ATF7IP2: variants seen among roughly 807,000 people sequenced by gnomAD.
ATF7IP2 encodes the protein activating transcription factor 7 interacting protein 2.
ATF7IP2 carries 42 observed loss-of-function variants against 64.2 expected under a neutral mutation model. The observed-to-expected ratio is 0.65, with a 90% confidence interval of 0.51 to 0.85. The LOEUF (loss-of-function observed/expected upper bound fraction) is 0.85, where lower values mean the gene tolerates loss of function less well. Ranked by LOEUF, ATF7IP2 falls within the 40% of genes least tolerant of loss-of-function variation. ATF7IP2 has a pLI of 0.00. For synonymous variants in ATF7IP2, 308 were observed against 272.8 expected (o/e 1.13, Z -1.27); for missense variants, 933 against 784.2 (o/e 1.19, Z -2.27).
chr16:10,482,480 T>C lies in ATF7IP2; in HGVS notation c.*231T>C. 2.7e-6 allele frequency: 1 copy of C among 375,178 alleles called. No homozygotes were observed. Among genetic ancestry groups the C allele is most frequent in the Non-Finnish European group, 4.8e-6 (1 of 209,246 alleles). 23.2% of individuals were successfully genotyped at this position (375,178 alleles called of 1,614,324 possible). A position where few individuals can be genotyped will look rare whatever the true frequency, so the allele number is the denominator to read the frequency against. The stretch of plus-strand genomic sequence containing the variant: ...AAACATACGCTATCATTGGCCCATG[T>C]TGCTGAGGTGCATTGTGAACAATAC... On this transcript the variant is annotated 3_prime_UTR_variant, in exon 14 of 14. Transcript: ENST00000562102.
At chr16:10,393,327 A>G (rs2047364957) in intron 1 of ATF7IP2, among the ~76,000 whole-genome samples, 1 of 150,716 alleles carries the variant, frequency 6.6e-6, no homozygotes, top group African/African-American at 2.4e-5. Flanking sequence ...AAAAAAAAAA[A>G]AAAAAAAAAA....
chr16:10,432,854 G>C (rs2048302966), intron 5 of ATF7IP2, among the ~76,000 whole-genome samples: 1 of 150,452 alleles, frequency 6.6e-6, no homozygotes, highest in Non-Finnish European at 1.5e-5. Flanking sequence ...CTCTTGCCTG[G>C]GCGACAAGAG....
rs1332817027 is a variant in ATF7IP2, at chr16:10,433,569, G to T, written c.880G>T (p.Val294Phe). 6.2e-7 allele frequency: 1 copy of T among 1,613,146 alleles called. No individual in the cohort carries two copies. The highest frequency in any genetic ancestry group is 8.5e-7 in the Non-Finnish European group (1 of 1,179,260). ...GATGTTTTCAGAAAACGAGGAAAAT[G>T]TTAAACGCATGAAAACTTCAGAGCA... is the stretch of plus-strand genomic sequence containing the variant. ...KRMFSENEEN[V>F]KRMKTSEQIN... Residue 294 changes from valine to phenylalanine, a missense_variant, in exon 6 of 14, where the codon GTT (valine) becomes TTT (phenylalanine). Physicochemically the swap from Val to Phe is conservative, Grantham distance 50. Coordinates refer to ENST00000562102, the MANE Select transcript of ATF7IP2 (RefSeq NM_001393719.1).
At chr16:10,439,695 G>A (rs2048546896) in intron 7 of ATF7IP2, among the ~76,000 whole-genome samples, 1 of 150,248 alleles carries the variant, frequency 6.7e-6, no homozygotes, top group Non-Finnish European at 1.5e-5. Flanking sequence ...ACTACACCCA[G>A]CTAATTTTTT....
At chr16:10,419,178 C>T (rs2044284) in intron 2 of ATF7IP2, among the ~76,000 whole-genome samples, 90,571 of 152,102 alleles carry the variant, frequency 0.6, 27,092 homozygotes, top group East Asian at 0.7. Context: ...ATAGTGAGAC[C>T]AGAAAGCATG....
chr16:10,469,356 T>C (rs1183302216), intron 9 of ATF7IP2, among the ~76,000 whole-genome samples: 1 of 151,830 alleles, frequency 6.6e-6, no homozygotes, highest in Non-Finnish European at 1.5e-5. Flanking sequence ...ATTATTGGAG[T>C]ATCACTAAGG....
At chr16:10,469,116 C>A (rs2049691771) in intron 9 of ATF7IP2, among the ~76,000 whole-genome samples, 1 of 152,146 alleles carries the variant, frequency 6.6e-6, no homozygotes. Flanking sequence ...ATAAGAAATT[C>A]CCAGGCATGC....
intron 8 of ATF7IP2, chr16:10,445,413 G>A (rs1241980158): frequency 6.6e-6 from 1 of 152,184 alleles, no homozygotes; most frequent in Non-Finnish European, 1.5e-5. Flanking sequence ...TATTTGATCT[G>A]CAAGGTTATT....
intron 1 of ATF7IP2, among the ~76,000 whole-genome samples, chr16:10,407,479 T>C (rs1281945149): frequency 1.3e-5 from 2 of 152,106 alleles, no homozygotes; most frequent in African/African-American, 4.8e-5. Context: ...ATTTGGAAAA[T>C]CCTAAACAAT....
chr16:10,399,423 G>T (rs2047483369), intron 1 of ATF7IP2, among the ~76,000 whole-genome samples: 1 of 152,114 alleles, frequency 6.6e-6, no homozygotes, highest in South Asian at 2.1e-4. Flanking sequence ...AGTTTTCCCA[G>T]CACCATTTAT....
At chr16:10,458,716 C>A (rs2049266204) in intron 9 of ATF7IP2, among the ~76,000 whole-genome samples, 1 of 152,174 alleles carries the variant, frequency 6.6e-6, no homozygotes, top group Non-Finnish European at 1.5e-5. Flanking sequence ...ATGAGACTAG[C>A]ATAACCCTAA....
intron 6 of ATF7IP2, among the ~76,000 whole-genome samples, chr16:10,436,391 C>CTT (rs72530737): frequency 8.5e-4 from 128 of 149,848 alleles, no homozygotes; most frequent in African/African-American, 1.9e-3. Flanking sequence ...GTTACTGAGC[C>CTT]TTTTTTTTTT....
At chr16:10,441,309 A>G (rs1303538545) in intron 8 of ATF7IP2, among the ~76,000 whole-genome samples, 1 of 152,192 alleles carries the variant, frequency 6.6e-6, no homozygotes. Flanking sequence ...GGTTCTATAG[A>G]TCCTTGAGGA....
At chr16:10,481,141 C>G (rs574678504) in intron 13 of ATF7IP2, among the ~76,000 whole-genome samples, 177 bp downstream of exon 13, 2 of 152,098 alleles carry the variant, frequency 1.3e-5, no homozygotes, top group Non-Finnish European at 2.9e-5. Context: ...ACAGAAGCTA[C>G]AGAAATTAAA....
chr16:10,464,136 C>G (rs1217841451), intron 9 of ATF7IP2, among the ~76,000 whole-genome samples: 2 of 152,184 alleles, frequency 1.3e-5, no homozygotes, highest in African/African-American at 4.8e-5. Context: ...TTTCTAATGT[C>G]TTCAAATAGA....
intron 9 of ATF7IP2, among the ~76,000 whole-genome samples, chr16:10,457,912 A>G (rs1366764272): frequency 6.6e-6 from 1 of 152,146 alleles, no homozygotes; most frequent in Non-Finnish European, 1.5e-5. Context: ...GGGCTTCACC[A>G]TGTTGCCCAG....
intron 1 of ATF7IP2, among the ~76,000 whole-genome samples, chr16:10,408,328 T>C (rs1395960021): frequency 6.6e-6 from 1 of 152,220 alleles, no homozygotes; most frequent in Non-Finnish European, 1.5e-5. Context: ...TTTTGTATAA[T>C]GACTACTTTT....
At chr16:10,401,929 T>G (rs1050878677) in intron 1 of ATF7IP2, among the ~76,000 whole-genome samples, 2 of 152,122 alleles carry the variant, frequency 1.3e-5, no homozygotes, top group African/African-American at 2.4e-5. Context: ...GTTGTTGTTT[T>G]GTATTTCTGT....
rs568277798 is a variant in ATF7IP2 at position 10,476,691 on chromosome 16, G to T, written c.1549+2702G>T. On this transcript the variant is annotated intron_variant, in intron 12 of 13. Transcript: ENST00000562102. ...TCCCCCAACAGGCCTAGTGTGTGTT[G>T]TTCCCCTCCCTATGTCCATGTGTTC... Among the ~76,000 whole-genome samples, 311 of 151,986 alleles carry T rather than the reference G, an allele frequency of 2.0e-3. 5 individuals carry two copies. Among genetic ancestry groups the T allele is most frequent in the Admixed American group, 2.4e-3 (37 of 15,240 alleles).
Sources: gnomAD v4.1 joint callset for allele counts (sites outside exome capture counted in the v4.1 genomes callset) on GRCh38, gnomAD v4.1.1 for gene constraint, MANE v1.5 for transcripts, NCBI Gene and HGNC (gene_info 2026-07-23, HGNC 2026-07-21) for gene names.